TASP1: variants seen among roughly 807,000 people sequenced by gnomAD.
The protein encoded by TASP1 is taspase 1.
A neutral mutation model predicts 56.6 loss-of-function variants in TASP1; 16 were observed. The ratio of observed to expected loss-of-function variants is 0.28; its 90% CI spans 0.19 to 0.43. TASP1 has a LOEUF of 0.43. Among genes scored for constraint, TASP1 ranks in the 20% least tolerant of loss-of-function variants. The pLI is 1.00. For missense variants in TASP1, 393 were observed against 511.6 expected (o/e 0.77, Z 2.24); for synonymous variants, 179 against 184.2 (o/e 0.97, Z 0.23).
At chr20:13,626,164 C>A (rs753161922) in intron 2 of TASP1, among the ~76,000 whole-genome samples, 1 of 152,202 alleles carries the variant, frequency 6.6e-6, no homozygotes, top group Non-Finnish European at 1.5e-5. Flanking sequence ...GTGGCTCATG[C>A]CTGCAATCCC....
At chr20:13,545,002 A>C (rs980103749) in intron 8 of TASP1, among the ~76,000 whole-genome samples, 1 of 151,734 alleles carries the variant, frequency 6.6e-6, no homozygotes, top group Admixed American at 6.6e-5. Flanking sequence ...TGTTGACTTA[A>C]TACAGTAATA....
At chr20:13,598,847 C>T (rs1024984656) in intron 4 of TASP1, among the ~76,000 whole-genome samples, 1 of 151,284 alleles carries the variant, frequency 6.6e-6, no homozygotes, top group Non-Finnish European at 1.5e-5. Context: ...AGAAAAAAAC[C>T]CCATCAAAAA....
the TASP1 span, chr20:13,110,072 C>A: frequency 1.3e-6 from 2 of 1,523,952 alleles, no homozygotes; most frequent in South Asian, 1.2e-5. Context: ...AAAAGTAAAC[C>A]CTTTCATGAC....
At chr20:13,598,278 A>T (rs2047821765) in intron 4 of TASP1, among the ~76,000 whole-genome samples, 1 of 152,212 alleles carries the variant, frequency 6.6e-6, no homozygotes. Context: ...CCTGACTTCA[A>T]ACTATACTAC....
Position 13,390,407 on chromosome 20 carries a change from C to T in TASP1, c.1216G>A (p.Val406Met), listed in dbSNP as rs756683699. The T allele has an allele frequency of 5.0e-6, 8 of 1,613,928 alleles. No homozygotes were observed. Among genetic ancestry groups the T allele is most frequent in the Non-Finnish European group, 6.8e-6 (8 of 1,179,968 alleles). Reference protein sequence around the residue: ...LPPGAVAGQSVAIEGGVCRLE... With the variant: ...LPPGAVAGQSMAIEGGVCRLE... The stretch of plus-strand genomic sequence containing the variant: ...CGGCACACCCCACCTTCGATTGCCA[C>T]AGACTGTCCTGCCACCGCACCAGGA... The change falls in exon 14 of 14, where the codon GTG (valine) becomes ATG (methionine). Residue 406 changes from valine (V) to methionine (M), a missense_variant. Physicochemically the swap from Val to Met is conservative, Grantham distance 21. Transcript: ENST00000337743.
chr20:13,267,160 G>T, the TASP1 span, among the ~76,000 whole-genome samples: 1 of 152,130 alleles, frequency 6.6e-6, no homozygotes, highest in African/African-American at 2.4e-5. Flanking sequence ...AACAGCTTGG[G>T]GGCATGCCAT....
chr20:13,549,281 T>C lies in TASP1; in HGVS notation c.675+9727A>G, dbSNP rs576184941. Reference sequence around the variant, plus strand: ...TCAAATAGTTCCTGGGACCCGACTATGTATTTAAAATATTCTAAGCTGATT... The same window carrying C: ...TCAAATAGTTCCTGGGACCCGACTACGTATTTAAAATATTCTAAGCTGATT... On this transcript the variant is annotated intron_variant, in intron 8 of 13. Transcript: ENST00000337743. Among the ~76,000 whole-genome samples, 88 of 152,284 alleles carry C rather than the reference T, an allele frequency of 5.8e-4. 1 individual carries two copies. Among genetic ancestry groups the C allele is most frequent in the African/African-American group, 2.0e-3 (85 of 41,560 alleles).
At chr20:13,484,117 A>G (rs1256535900) in intron 10 of TASP1, among the ~76,000 whole-genome samples, 2 of 152,236 alleles carry the variant, frequency 1.3e-5, no homozygotes, top group African/African-American at 4.8e-5. Context: ...ATACCATCTC[A>G]CACCAGATAG....
At chr20:13,176,661 GC>G in the TASP1 span, among the ~76,000 whole-genome samples, 1 of 152,028 alleles carries the variant, frequency 6.6e-6, no homozygotes, top group African/African-American at 2.4e-5. Context: ...TTGTCCTGTA[GC>G]TTTTTTGTTG....
chr20:13,589,261 T>G (rs973259032), intron 4 of TASP1, among the ~76,000 whole-genome samples: 14 of 152,110 alleles, frequency 9.2e-5, no homozygotes, highest in Non-Finnish European at 1.5e-4. Flanking sequence ...GTTTTCACCG[T>G]GTTAGCCAGG....
chr20:13,594,937 G>C (rs933626009), intron 4 of TASP1, among the ~76,000 whole-genome samples: 1 of 151,940 alleles, frequency 6.6e-6, no homozygotes, highest in Non-Finnish European at 1.5e-5. Context: ...GATTCACCAA[G>C]GTTGAAATGA....
At chr20:13,287,525 T>C in the TASP1 span, among the ~76,000 whole-genome samples, 1 of 152,190 alleles carries the variant, frequency 6.6e-6, no homozygotes, top group Admixed American at 6.5e-5. Flanking sequence ...CCCCCCTATT[T>C]CCTGGCCTAC....
the TASP1 span, among the ~76,000 whole-genome samples, chr20:13,337,940 G>C: frequency 6.6e-6 from 1 of 152,172 alleles, no homozygotes; most frequent in Non-Finnish European, 1.5e-5. Context: ...ATTTAAGAAA[G>C]CATTTGTCCT....
intron 4 of TASP1, among the ~76,000 whole-genome samples, chr20:13,590,379 C>T (rs1271255951): frequency 6.6e-6 from 1 of 152,114 alleles, no homozygotes; most frequent in Non-Finnish European, 1.5e-5. Context: ...TACGGACATG[C>T]AAGTAAGCAG....
intron 11 of TASP1, among the ~76,000 whole-genome samples, chr20:13,450,244 TC>T (rs1187297494): frequency 1.3e-5 from 2 of 152,082 alleles, no homozygotes; most frequent in Non-Finnish European, 2.9e-5. Flanking sequence ...TGGTGGGCGG[TC>T]TTGCCTCGAT....
chr20:13,502,034 GA>G (rs1400177233), intron 10 of TASP1, among the ~76,000 whole-genome samples: 2 of 151,612 alleles, frequency 1.3e-5, no homozygotes, highest in African/African-American at 2.4e-5. Context: ...TAAATAATGG[GA>G]AAAATATAAT....
the TASP1 span, among the ~76,000 whole-genome samples, chr20:13,286,777 G>A: frequency 3.3e-5 from 5 of 152,190 alleles, no homozygotes; most frequent in African/African-American, 1.2e-4. Flanking sequence ...GCTGGCACGG[G>A]CCCACATTTC....
intron 11 of TASP1, among the ~76,000 whole-genome samples, chr20:13,480,558 A>G (rs1414282126): frequency 1.3e-5 from 2 of 152,162 alleles, no homozygotes; most frequent in Admixed American, 1.3e-4. Context: ...TAGGTAATGG[A>G]TCCCAGTGGC....
the TASP1 span, among the ~76,000 whole-genome samples, chr20:13,369,381 G>T: frequency 2.6e-5 from 4 of 152,192 alleles, no homozygotes; most frequent in Non-Finnish European, 5.9e-5. Flanking sequence ...AGGAGGTGGA[G>T]GTTGCAGTGA....
Sources: gnomAD v4.1 joint callset for allele counts (sites outside exome capture counted in the v4.1 genomes callset) on GRCh38, gnomAD v4.1.1 for gene constraint, MANE v1.5 for transcripts, NCBI Gene and HGNC (gene_info 2026-07-23, HGNC 2026-07-21) for gene names.